Variants in LIN28B observed in about 807,000 individuals in gnomAD.
The protein encoded by LIN28B is lin-28 RNA binding posttranscriptional regulator B, also known as protein lin-28 homolog B.
Under a neutral mutation model 21.9 loss-of-function variants are expected in LIN28B, and 5 were observed. The ratio of observed to expected loss-of-function variants is 0.23; its 90% CI spans 0.12 to 0.48. LIN28B has a LOEUF of 0.48. Among genes scored for constraint, LIN28B ranks in the 20% least tolerant of loss-of-function variants. The probability of loss-of-function intolerance (pLI) is 0.98; values close to 1 mark genes in which losing one functional copy is unlikely to be tolerated. For missense variants in LIN28B, 245 were observed against 310.5 expected (o/e 0.79, Z 1.58); for synonymous variants, 109 against 111.3 (o/e 0.98, Z 0.13).
At chr6:105,000,717 A>T (rs1770702548) in intron 2 of LIN28B, among the ~76,000 whole-genome samples, 1 of 152,038 alleles carries the variant, frequency 6.6e-6, no homozygotes, top group Non-Finnish European at 1.5e-5. Context: ...TTAACCTAGA[A>T]TAATAATCAC....
At chr6:105,000,038 A>T (rs2114288261) in intron 2 of LIN28B, among the ~76,000 whole-genome samples, 1 of 152,092 alleles carries the variant, frequency 6.6e-6, no homozygotes, top group Admixed American at 6.5e-5. Context: ...AGCTGAGCAC[A>T]TTTCCATTCT....
Position 105,048,243 on chromosome 6 carries a change from C to T in LIN28B, c.383+21761C>T, listed in dbSNP as rs563962455. 3.1e-4 allele frequency among the ~76,000 whole-genome samples: 47 copies of T among 152,262 alleles called. 1 individual carries two copies. Among genetic ancestry groups the T allele is most frequent in the African/African-American group, 9.6e-4 (40 of 41,558 alleles). ...TTTAGCATGAAGGGCTGTTGAATTT[C>T]GTCAAAGGCCTTTTCTGCATCTATT... On this transcript the variant is annotated intron_variant, in intron 3 of 3. Transcript: ENST00000345080.
intron 3 of LIN28B, among the ~76,000 whole-genome samples, chr6:105,053,562 G>A (rs1009494080): frequency 2.6e-5 from 4 of 152,064 alleles, no homozygotes; most frequent in Admixed American, 2.6e-4. Context: ...TTCATATTGG[G>A]CATATTATGT....
chr6:104,960,304 G>A (rs940251881), intron 2 of LIN28B, among the ~76,000 whole-genome samples: 2 of 152,110 alleles, frequency 1.3e-5, no homozygotes, highest in Admixed American at 1.3e-4. Flanking sequence ...GCAACTACAA[G>A]TAACAGATGG....
chr6:105,007,431 T>C (rs1770840153), intron 2 of LIN28B, among the ~76,000 whole-genome samples: 1 of 152,314 alleles, frequency 6.6e-6, no homozygotes, highest in African/African-American at 2.4e-5. Context: ...TCTTGAATTA[T>C]AAATGTCCAA....
At chr6:104,956,608 C>A (rs557936347), upstream of LIN28B, among the ~76,000 whole-genome samples, 5 of 152,058 alleles carry the variant, frequency 3.3e-5, no homozygotes, top group Non-Finnish European at 5.9e-5. Flanking sequence ...TTAATTAGAT[C>A]TTTTATAAAT....
intron 2 of LIN28B, among the ~76,000 whole-genome samples, chr6:104,972,367 A>G (rs1769999442): frequency 1.3e-5 from 2 of 152,236 alleles, no homozygotes; most frequent in South Asian, 4.1e-4. Flanking sequence ...AAAAAAAAAT[A>G]CATAACAAAA....
intron 2 of LIN28B, among the ~76,000 whole-genome samples, chr6:105,012,181 C>T (rs938063404): frequency 2.0e-5 from 3 of 149,472 alleles, no homozygotes; most frequent in African/African-American, 7.4e-5. Flanking sequence ...AATAAACCGA[C>T]CTTGGGCTGG....
At chr6:105,058,275 C>T (rs896935263) in intron 3 of LIN28B, among the ~76,000 whole-genome samples, 2 of 152,182 alleles carry the variant, frequency 1.3e-5, no homozygotes, top group African/African-American at 4.8e-5. Context: ...TTTTCTCTTC[C>T]TCCCACCACA....
chr6:105,018,559 C>T (rs774129876), intron 2 of LIN28B, among the ~76,000 whole-genome samples: 4 of 151,928 alleles, frequency 2.6e-5, no homozygotes, highest in South Asian at 2.1e-4. Flanking sequence ...TGGTATAGAC[C>T]CCTCCTTTGT....
chr6:104,987,113 T>C (rs1770363415), intron 2 of LIN28B, among the ~76,000 whole-genome samples: 1 of 152,244 alleles, frequency 6.6e-6, no homozygotes, highest in African/African-American at 2.4e-5. Context: ...TGTCCTTTTA[T>C]TTATTTAAAG....
chr6:105,053,625 A>G (rs1366634915), intron 3 of LIN28B, among the ~76,000 whole-genome samples: 1 of 151,200 alleles, frequency 6.6e-6, no homozygotes, highest in Non-Finnish European at 1.5e-5. Flanking sequence ...CTCCCTTGTA[A>G]TATCTATTAC....
chr6:105,062,620 C>T (rs1772143800), intron 3 of LIN28B, among the ~76,000 whole-genome samples: 1 of 151,912 alleles, frequency 6.6e-6, no homozygotes, highest in African/African-American at 2.4e-5. Flanking sequence ...GGGTGATTTC[C>T]GTTGAATGCA....
At chr6:104,977,502 C>A (rs1770124032) in intron 2 of LIN28B, among the ~76,000 whole-genome samples, 1 of 151,840 alleles carries the variant, frequency 6.6e-6, no homozygotes, top group South Asian at 2.1e-4. Context: ...GAATTGTAAA[C>A]TCTATGTGGA....
chr6:104,985,677 C>T (rs898397500), intron 2 of LIN28B, among the ~76,000 whole-genome samples: 1 of 152,050 alleles, frequency 6.6e-6, no homozygotes, highest in Non-Finnish European at 1.5e-5. Flanking sequence ...TTTTCTTTTA[C>T]AGGTAGTGTT....
chr6:105,029,964 G>T (rs1771384905), intron 3 of LIN28B, among the ~76,000 whole-genome samples: 1 of 152,112 alleles, frequency 6.6e-6, no homozygotes. Context: ...TTATAGTTGG[G>T]GTACTGATCT....
At chr6:104,964,023 CCTT>C (rs1274666765) in intron 2 of LIN28B, among the ~76,000 whole-genome samples, 1 of 152,118 alleles carries the variant, frequency 6.6e-6, no homozygotes, top group African/African-American at 2.4e-5. Flanking sequence ...AAAATTGAGT[CCTT>C]CACTGTAATT....
intron 2 of LIN28B, among the ~76,000 whole-genome samples, chr6:104,997,535 T>A (rs1770636320): frequency 6.6e-6 from 1 of 151,614 alleles, no homozygotes; most frequent in African/African-American, 2.4e-5. Flanking sequence ...CAAAAATATG[T>A]AACACCCGCC....
intron 3 of LIN28B, among the ~76,000 whole-genome samples, chr6:105,034,211 TTTTG>T (rs2114354692): frequency 6.6e-6 from 1 of 152,002 alleles, no homozygotes; most frequent in East Asian, 1.9e-4. Context: ...TGACTGTCTT[TTTTG>T]TTTTTCTTAA....
Sources: allele counts gnomAD v4.1 joint callset (sites outside exome capture counted in the v4.1 genomes callset), GRCh38; gene constraint gnomAD v4.1.1; transcripts MANE v1.5; gene names NCBI Gene and HGNC (gene_info 2026-07-23, HGNC 2026-07-21).